The following OR3A2 variants were observed in gnomAD, a reference collection of about 807,000 sequenced individuals.
OR3A2 encodes olfactory receptor 3A2.
For missense variants in OR3A2, 318 were observed against 392.8 expected (o/e 0.81, Z 1.61); for synonymous variants, 126 against 159.3 (o/e 0.79, Z 1.57).
intron 2 of OR3A2, among the ~76,000 whole-genome samples, chr17:3,350,353 C>A (rs1378766498): frequency 6.7e-6 from 1 of 149,380 alleles, no homozygotes; most frequent in Non-Finnish European, 1.5e-5. Flanking sequence ...AAGGGGATAT[C>A]ACCACCAATC....
At chr17:3,344,912 G>C (rs1191491037) in intron 2 of OR3A2, among the ~76,000 whole-genome samples, 1 of 152,182 alleles carries the variant, frequency 6.6e-6, no homozygotes, top group Admixed American at 6.5e-5. Context: ...CAGCTACCTT[G>C]CCTATCAAGT....
At chr17:3,377,270 C>T (rs2049692957) in intron 2 of OR3A2, among the ~76,000 whole-genome samples, 1 of 152,176 alleles carries the variant, frequency 6.6e-6, no homozygotes, top group African/African-American at 2.4e-5. Context: ...TAGCATTTCC[C>T]AGCCTCAGTT....
Position 3,311,396 on chromosome 17 carries a change from C to G in OR3A2, c.-85+24637G>C. 1 of 506,864 alleles carries G rather than the reference C, an allele frequency of 2.0e-6. No homozygotes were observed. The highest frequency in any genetic ancestry group is 1.5e-5 in the South Asian group (1 of 67,424). 31.4% of individuals were successfully genotyped at this position (506,864 alleles called of 1,614,324 possible). ...ATCTGTCAGCTTCTCACCAACAGCA[C>G]TCGCATGAGCTGTGAAGTCCAGGGT... On this transcript the variant is annotated intron_variant, in intron 3 of 4. Transcript: ENST00000573491. The surrounding 1 kb of genome is among the most constrained non-coding windows in gnomAD (Gnocchi z 4.6).
In OR3A2 at chr17:3,322,738, AGTTT is replaced by A. The variant is rs1315132441; in HGVS notation, c.-85+13291_-85+13294del. 3.3e-5 allele frequency among the ~76,000 whole-genome samples: 5 copies of A among 152,214 alleles called. No homozygotes were observed. In the East Asian group the frequency reaches 9.6e-4, roughly 29 times the overall value. On this transcript the variant is annotated intron_variant, in intron 3 of 4. Coordinates refer to the OR3A2 transcript ENST00000573491. ...TTGATTGCACTGTGGTCTGAGAGAC[AGTTT>A]GTTATAATTTCTGTTCTTTTACATT...
intron 3 of OR3A2, among the ~76,000 whole-genome samples, chr17:3,323,550 C>T (rs1171015357): frequency 1.3e-5 from 2 of 152,012 alleles, no homozygotes; most frequent in East Asian, 3.9e-4. Context: ...TAGTGCAGGC[C>T]TGGTGGTGAC....
intron 2 of OR3A2, among the ~76,000 whole-genome samples, chr17:3,355,433 T>TC: frequency 5.4e-5 from 1 of 18,672 alleles, no homozygotes; most frequent in South Asian, 4.0e-3. Context: ...GGCATTTCTC[T>TC]CTCTCTCTCT....
intron 2 of OR3A2, among the ~76,000 whole-genome samples, chr17:3,344,214 A>G (rs550830369): frequency 6.6e-6 from 1 of 152,248 alleles, no homozygotes; most frequent in African/African-American, 2.4e-5. Flanking sequence ...TTATTTCTTC[A>G]CTGCTGGCTG....
chr17:3,360,086 T>C (rs1354528218), intron 2 of OR3A2, among the ~76,000 whole-genome samples: 1 of 151,820 alleles, frequency 6.6e-6, no homozygotes. Flanking sequence ...GCACCTGTTG[T>C]TTCCTGACTT....
At chr17:3,278,173 T>G (rs1304112234) in exon 2 of OR3A2, 1 of 1,614,014 alleles carries the variant, frequency 6.2e-7, no homozygotes, top group East Asian at 2.2e-5. Flanking sequence ...CAAACCACGG[T>G]GAGGTGGGAG....
chr17:3,371,945 G>A (rs576164261), intron 2 of OR3A2, among the ~76,000 whole-genome samples: 175 of 150,416 alleles, frequency 1.2e-3, no homozygotes, highest in African/African-American at 3.3e-3. Flanking sequence ...CTCCCTCCCG[G>A]ACGGGGTGGC....
chr17:3,373,639 C>A (rs2049653227), intron 2 of OR3A2, among the ~76,000 whole-genome samples: 1 of 152,108 alleles, frequency 6.6e-6, no homozygotes, highest in Non-Finnish European at 1.5e-5. Context: ...TTTCCATTTG[C>A]ATGGAATATT....
intron 2 of OR3A2, among the ~76,000 whole-genome samples, chr17:3,357,546 G>A (rs933516757): frequency 6.6e-6 from 1 of 151,552 alleles, no homozygotes; most frequent in Non-Finnish European, 1.5e-5. Flanking sequence ...GTGGTTGCCA[G>A]AGGCTGGGAG....
intron 2 of OR3A2, among the ~76,000 whole-genome samples, chr17:3,340,586 G>C (rs1337668645): frequency 6.6e-6 from 1 of 151,962 alleles, no homozygotes; most frequent in Non-Finnish European, 1.5e-5. Flanking sequence ...TTTTGAGTGA[G>C]TTTCTTAATC....
At chr17:3,280,058 CTG>C (rs377563625) in intron 1 of OR3A2, among the ~76,000 whole-genome samples, 105 of 152,246 alleles carry the variant, frequency 6.9e-4, no homozygotes, top group African/African-American at 2.5e-3. Context: ...TGATGTTTTT[CTG>C]TGTGTATTAT....
chr17:3,303,556 A>T (rs2048980095), intron 3 of OR3A2, among the ~76,000 whole-genome samples: 2 of 151,948 alleles, frequency 1.3e-5, no homozygotes, highest in African/African-American at 4.8e-5. Context: ...CCTGGCCAAC[A>T]TGGTGAAACC....
intron 3 of OR3A2, among the ~76,000 whole-genome samples, chr17:3,326,522 T>C (rs2049174521): frequency 6.6e-6 from 1 of 151,764 alleles, no homozygotes; most frequent in Admixed American, 6.6e-5. Flanking sequence ...AATTAATACT[T>C]TTATAATTTC....
intron 3 of OR3A2, among the ~76,000 whole-genome samples, chr17:3,296,724 C>G (rs898285973): frequency 1.3e-5 from 2 of 152,022 alleles, no homozygotes; most frequent in African/African-American, 4.8e-5. Context: ...TGAAAACTTG[C>G]TCGAGAAAAG....
At position 3,311,211 on chromosome 17, in the gene OR3A2, G is replaced by A. The variant is rs2049041495; in HGVS notation, c.-85+24822C>T. On this transcript the variant is annotated intron_variant, in intron 3 of 4. Transcript: ENST00000573491. This position sits in a 1 kb window ranked among gnomAD's most constrained non-coding sequence, Gnocchi z 4.6. ...CTACTGGACATCTCTGCTGGACGTC[G>A]GGTGCATCAGTCACTGTTCCTCCGA... is the stretch of plus-strand genomic sequence containing the variant. The A allele has an allele frequency of 1.9e-6, 1 of 536,544 alleles. No individual in the cohort carries two copies. The allele number at this position is 536,544 out of a possible 1,614,324, so 33.2% of individuals were successfully genotyped here. A position where few individuals can be genotyped will look rare whatever the true frequency, so the allele number is the denominator to read the frequency against.
chr17:3,364,311 A>T (rs1332601219), intron 2 of OR3A2, among the ~76,000 whole-genome samples: 1 of 152,242 alleles, frequency 6.6e-6, no homozygotes. Flanking sequence ...CAGGCTAGTT[A>T]GCATATCTCA....
Sources: allele counts gnomAD v4.1 joint callset (sites outside exome capture counted in the v4.1 genomes callset), GRCh38; gene constraint gnomAD v4.1.1; non-coding constraint Gnocchi (gnomAD v3.1); transcripts MANE v1.5; gene names NCBI Gene and HGNC (gene_info 2026-07-23, HGNC 2026-07-21).